The following UBR1 variants were observed in gnomAD, a reference collection of about 807,000 sequenced individuals.
The protein encoded by UBR1 is ubiquitin protein ligase E3 component n-recognin 1.
In UBR1, 102 loss-of-function variants were observed where a neutral mutation model predicts 242.1. That is an observed-to-expected ratio of 0.42 (90% CI 0.36 to 0.50). The LOEUF is 0.50. Ranked by LOEUF, UBR1 falls within the 20% of genes least tolerant of loss-of-function variation. The pLI, the probability that UBR1 is intolerant of heterozygous loss-of-function variation, is 0.01. For synonymous variants in UBR1, 675 were observed against 684.8 expected, an observed-to-expected ratio of 0.99 and a Z score of 0.22; for missense variants, 1,772 against 2,101.8, an observed-to-expected ratio of 0.84 and a Z score of 3.07.
intron 1 of UBR1, among the ~76,000 whole-genome samples, chr15:43,093,285 T>C (rs1032459704): frequency 6.6e-5 from 10 of 152,152 alleles, no homozygotes; most frequent in African/African-American, 9.7e-5. Context: ...AATTTGACCT[T>C]CCTTAAACAA....
At chr15:43,041,203 T>A (rs933122745) in intron 15 of UBR1, among the ~76,000 whole-genome samples, 9 of 152,142 alleles carry the variant, frequency 5.9e-5, no homozygotes, top group African/African-American at 1.7e-4. Flanking sequence ...CAAATGTCCA[T>A]CAATGATAGA....
Position 43,086,076 on chromosome 15 carries a change from A to G in UBR1, c.246T>C (p.Asp82=), listed in dbSNP as rs2034032299. The G allele has an allele frequency of 8.1e-6, 13 of 1,613,988 alleles. No homozygotes were observed. Among genetic ancestry groups the G allele is most frequent in the African/African-American group, 1.3e-5 (1 of 74,910 alleles). The change falls in exon 2 of 47, where the codon GAT becomes GAC. Residue 82 remains aspartate, a synonymous_variant. Coordinates refer to ENST00000290650, the MANE Select transcript of UBR1 (RefSeq NM_174916.3). ...TCAATTTCTCTAAGCAAATATCTGG[A>G]TCTTCTCCAAATAAGTACCATTCCA... ...TPLEWYLFGE[D]PDICLEKLKH...
chr15:42,986,296 C>G (rs2032458394), intron 35 of UBR1, among the ~76,000 whole-genome samples: 1 of 152,108 alleles, frequency 6.6e-6, no homozygotes, highest in African/African-American at 2.4e-5. Context: ...GAGCATTATG[C>G]CTGCTTGATA....
rs560860593 is a variant in UBR1 at position 43,054,916 on chromosome 15, G to A, written c.1282-17C>T. 45 of 1,613,408 alleles carry A rather than the reference G, an allele frequency of 2.8e-5. 1 individual carries two copies. In the South Asian group the frequency reaches 4.8e-4, roughly 17 times the overall value. On this transcript the variant is annotated splice_polypyrimidine_tract_variant and intron_variant, in intron 11 of 46. Transcript: ENST00000290650. ...ATGTCGAGCCTGCGGAATATTTCAAGAATATTTTCTTTAGCATTAACTCAT... is the reference window on the plus strand; with the variant it reads ...ATGTCGAGCCTGCGGAATATTTCAAAAATATTTTCTTTAGCATTAACTCAT...
chr15:43,089,161 CAAA>C (rs1405616914), intron 1 of UBR1, among the ~76,000 whole-genome samples: 1 of 128,772 alleles, frequency 7.8e-6, no homozygotes. Flanking sequence ...GACTCCATTT[CAAA>C]AAAAAAAAAA....
rs1382969461 is a variant in UBR1, at chr15:42,983,701, T to TA, written c.4150+195dup. 3.8e-4 allele frequency among the ~76,000 whole-genome samples: 57 copies of TA among 148,204 alleles called. 1 individual carries two copies. The highest frequency in any genetic ancestry group is 1.3e-3 in the African/African-American group (54 of 40,666). Reference sequence around the variant, plus strand: ...ATAATAATAATAATAATAATAATAATATCACAAGTTTTACAGAGGCAGCTA... The same window carrying TA: ...ATAATAATAATAATAATAATAATAATAATCACAAGTTTTACAGAGGCAGCTA... On this transcript the variant is annotated intron_variant, in intron 37 of 46. Coordinates refer to ENST00000290650, the MANE Select transcript of UBR1 (RefSeq NM_174916.3).
At chr15:43,015,458 A>T (rs2033007221) in intron 29 of UBR1, among the ~76,000 whole-genome samples, 1 of 152,060 alleles carries the variant, frequency 6.6e-6, no homozygotes, top group Admixed American at 6.6e-5. Flanking sequence ...GCTCGTTAAG[A>T]GTCATCACCA....
chr15:43,035,999 C>CA (rs2033330449), intron 19 of UBR1, among the ~76,000 whole-genome samples, 179 bp downstream of exon 19: 1 of 151,902 alleles, frequency 6.6e-6, no homozygotes, highest in Non-Finnish European at 1.5e-5. Flanking sequence ...TTAGTGGGTG[C>CA]AGCGCACCAG....
intron 3 of UBR1, among the ~76,000 whole-genome samples, chr15:43,080,657 C>CTATAAAA (rs1367404574): frequency 6.6e-6 from 1 of 152,130 alleles, no homozygotes; most frequent in African/African-American, 2.4e-5. Context: ...AAGAAAGCTG[C>CTATAAAA]TATAAAACAT....
At chr15:43,030,176 G>C in intron 20 of UBR1, 108 bp from the exon 21 acceptor site, 2 of 1,269,498 alleles carry the variant, frequency 1.6e-6, no homozygotes, top group South Asian at 2.6e-5. Flanking sequence ...AATTAAATCT[G>C]TGAGAGAGGG....
At chr15:43,017,916 A>C (rs948967789) in intron 27 of UBR1, among the ~76,000 whole-genome samples, 5 of 152,130 alleles carry the variant, frequency 3.3e-5, no homozygotes, top group African/African-American at 1.2e-4. Context: ...TTTCATAAAA[A>C]GAGATCTTAC....
chr15:42,945,003 C>A lies in UBR1; in HGVS notation c.*326G>T. The A allele has an allele frequency of 3.1e-6, 1 of 325,778 alleles. No individual in the cohort carries two copies. Among genetic ancestry groups the A allele is most frequent in the Non-Finnish European group, 5.9e-6 (1 of 169,692 alleles). 20.2% of individuals were successfully genotyped at this position (325,778 alleles called of 1,614,324 possible). A position where few individuals can be genotyped will look rare whatever the true frequency, so the allele number is the denominator to read the frequency against. On this transcript the variant is annotated 3_prime_UTR_variant, in exon 47 of 47. Coordinates refer to ENST00000290650, the MANE Select transcript of UBR1 (RefSeq NM_174916.3). Reference sequence around the variant, plus strand: ...ACAAAATTGCAGAAGAGTTAACCAACATATAAAATGTCTACAACTGTTTGA... The same window carrying A: ...ACAAAATTGCAGAAGAGTTAACCAAAATATAAAATGTCTACAACTGTTTGA...
chr15:43,019,918 A>T (rs1286678642), intron 27 of UBR1, among the ~76,000 whole-genome samples: 1 of 149,954 alleles, frequency 6.7e-6, no homozygotes, highest in African/African-American at 2.5e-5. Flanking sequence ...TTATGTTTCT[A>T]TGTGGAGGTT....
At chr15:42,977,720 T>C (rs188633051) in intron 38 of UBR1, among the ~76,000 whole-genome samples, 160 bp downstream of exon 38, 151 of 150,290 alleles carry the variant, frequency 1.0e-3, no homozygotes, top group African/African-American at 3.6e-3. Context: ...ACAGTCTCCA[T>C]CAAATCTGTA....
intron 33 of UBR1, among the ~76,000 whole-genome samples, chr15:42,995,688 A>C (rs12324324): frequency 3.4e-4 from 52 of 152,208 alleles, no homozygotes; most frequent in Middle Eastern, 3.4e-3. Flanking sequence ...AACAAACAAA[A>C]AAAAACAAGT....
At position 43,043,341 on chromosome 15, in the gene UBR1, T is replaced by G; in HGVS notation, c.1723A>C (p.Ser575Arg). ...TTGCTACTAGATATGAAACTGGTAC[T>G]GCACCTCATCACAGCTTTGTGACAT... is the stretch of plus-strand genomic sequence containing the variant. ...KECHKAVMRC[S>R]TSFISSSKTV... is the part of the protein sequence containing the mutation. Residue 575 changes from serine (S) to arginine (R), a missense_variant, in exon 15 of 47, where the codon AGT (serine) becomes CGT (arginine). Physicochemically the swap from Ser to Arg is moderately radical, Grantham distance 110. This residue lies in a region of UBR1 where 734 missense variants were observed against 893.3 expected (regional missense o/e 0.82). Transcript: ENST00000290650. 6.2e-7 allele frequency: 1 copy of G among 1,614,120 alleles called. No homozygotes were observed. Among genetic ancestry groups the G allele is most frequent in the Non-Finnish European group, 8.5e-7 (1 of 1,180,008 alleles).
chr15:43,061,693 T>C (rs1350350772), intron 6 of UBR1, among the ~76,000 whole-genome samples: 3 of 151,892 alleles, frequency 2.0e-5, no homozygotes, highest in Non-Finnish European at 2.9e-5. Context: ...TTATTCTAAG[T>C]GAAGTAACTT....
chr15:43,010,181 G>A (rs1454224129), intron 29 of UBR1, among the ~76,000 whole-genome samples: 2 of 152,172 alleles, frequency 1.3e-5, no homozygotes, highest in African/African-American at 4.8e-5. Context: ...CTACTCTGCA[G>A]TTTTTAAAAG....
At chr15:42,951,791 TA>T (rs751264698) in intron 45 of UBR1, among the ~76,000 whole-genome samples, 21 of 152,030 alleles carry the variant, frequency 1.4e-4, no homozygotes, top group Non-Finnish European at 2.9e-4. Flanking sequence ...GCTAATTTTT[TA>T]TAGAGATGGG....
Sources: gnomAD v4.1 joint callset for allele counts (sites outside exome capture counted in the v4.1 genomes callset) on GRCh38, gnomAD v4.1.1 for gene constraint, gnomAD v4.1.1 regional missense constraint, MANE v1.5 for transcripts, NCBI Gene and HGNC (gene_info 2026-07-23, HGNC 2026-07-21) for gene names.